Variants in RNF144B observed in about 807,000 individuals in gnomAD.
The protein encoded by RNF144B is ring finger protein 144B, also known as E3 ubiquitin-protein ligase RNF144B.
Under a neutral mutation model 40.2 loss-of-function variants are expected in RNF144B, and 25 were observed. The observed-to-expected ratio is 0.62, with a 90% CI of 0.45 to 0.87. The LOEUF (loss-of-function observed/expected upper bound fraction) is 0.87, where lower values mean the gene tolerates loss of function less well. RNF144B is among the 40% of genes least tolerant of loss of function. RNF144B has a pLI of 0.00. For missense variants in RNF144B, 365 were observed against 373.7 expected (o/e 0.98, Z 0.19); for synonymous variants, 145 against 136.3 (o/e 1.06, Z -0.44).
At position 18,447,837 on chromosome 6, in the gene RNF144B, G is replaced by C. The variant is rs1212772120; in HGVS notation, c.331+8093G>C. ...TAGCTAAAGAAGCAGTTTCAGGACT[G>C]AGCCCTGGGACACTATAGGTTTTAG... On this transcript the variant is annotated intron_variant, in intron 4 of 7. Coordinates refer to ENST00000259939, the MANE Select transcript of RNF144B (RefSeq NM_182757.4). This position sits in a 1 kb window ranked among gnomAD's most constrained non-coding sequence, Gnocchi z 5.6. Among the ~76,000 whole-genome samples the C allele has an allele frequency of 3.3e-5, 5 of 152,170 alleles. No homozygotes were observed. Among genetic ancestry groups the C allele is most frequent in the Non-Finnish European group, 5.9e-5 (4 of 68,030 alleles).
rs1759129636 is a variant in RNF144B at position 18,448,332 on chromosome 6, A to G, written c.331+8588A>G. 6.6e-6 allele frequency among the ~76,000 whole-genome samples: 1 copy of G among 152,000 alleles called. No individual in the cohort carries two copies. Among genetic ancestry groups the G allele is most frequent in the African/African-American group, 2.4e-5 (1 of 41,368 alleles). ...AGGTTTAGGTCATCTCTATCAGGAA[A>G]GAAGGTGGAGAGGTTACGGACATGG... is the stretch of plus-strand genomic sequence containing the variant. On this transcript the variant is annotated intron_variant, in intron 4 of 7. Coordinates refer to ENST00000259939, the MANE Select transcript of RNF144B (RefSeq NM_182757.4). The surrounding 1 kb of genome is among the most constrained non-coding windows in gnomAD (Gnocchi z 4.0).
chr6:18,431,891 T>C (rs902936452), intron 3 of RNF144B, among the ~76,000 whole-genome samples: 2 of 152,234 alleles, frequency 1.3e-5, no homozygotes, highest in African/African-American at 2.4e-5. Flanking sequence ...GCTGTGATTA[T>C]GCCTCCTAAA....
In RNF144B at chr6:18,450,964, AC is replaced by A. The variant is rs1582441822; in HGVS notation, c.332-6185del. Among the ~76,000 whole-genome samples the A allele has an allele frequency of 2.0e-5, 3 of 151,760 alleles. No homozygotes were observed. The highest frequency in any genetic ancestry group is 4.4e-5 in the Non-Finnish European group (3 of 67,940). On this transcript the variant is annotated intron_variant, in intron 4 of 7. Coordinates refer to ENST00000259939, the MANE Select transcript of RNF144B (RefSeq NM_182757.4). This position sits in a 1 kb window ranked among gnomAD's most constrained non-coding sequence, Gnocchi z 4.7. ...TTTATGATTAGGAGGGACTAGTTTT[AC>A]CCCCCTGTTTTTAGAGTTGATTAAA...
chr6:18,407,013 G>A (rs1323982918), intron 2 of RNF144B, among the ~76,000 whole-genome samples: 1 of 152,086 alleles, frequency 6.6e-6, no homozygotes, highest in Non-Finnish European at 1.5e-5. Context: ...TCACTATCAT[G>A]GGAACAGCAT....
In RNF144B at chr6:18,418,503, T is replaced by G. The variant is rs561938171; in HGVS notation, c.166-9078T>G. Among the ~76,000 whole-genome samples the G allele has an allele frequency of 6.6e-6, 1 of 152,264 alleles. No homozygotes were observed. Among genetic ancestry groups the G allele is most frequent in the South Asian group, 2.1e-4 (1 of 4,826 alleles). On this transcript the variant is annotated intron_variant, in intron 2 of 7. Coordinates refer to ENST00000259939, the MANE Select transcript of RNF144B (RefSeq NM_182757.4). This position sits in a 1 kb window ranked among gnomAD's most constrained non-coding sequence, Gnocchi z 5.2. ...ATTGTATCATTCCATTTATATGAAATGTAGAGAGTAGGAAGATCTATACAT... is the reference window on the plus strand; with the variant it reads ...ATTGTATCATTCCATTTATATGAAAGGTAGAGAGTAGGAAGATCTATACAT...
rs1035901802 is a variant in RNF144B, at chr6:18,447,293, C to A, written c.331+7549C>A. On this transcript the variant is annotated intron_variant, in intron 4 of 7. Coordinates refer to ENST00000259939, the MANE Select transcript of RNF144B (RefSeq NM_182757.4). This position sits in a 1 kb window ranked among gnomAD's most constrained non-coding sequence, Gnocchi z 5.6. The stretch of plus-strand genomic sequence containing the variant: ...GGCAGAGGTAAAGGTACCTACAAAG[C>A]CCCTGAGGCAAGAACAAGCCTGGTT... Among the ~76,000 whole-genome samples, 2 of 152,060 alleles carry A rather than the reference C, an allele frequency of 1.3e-5. No individual in the cohort carries two copies. The highest frequency in any genetic ancestry group is 2.9e-5 in the Non-Finnish European group (2 of 68,010).
rs1442558447 is a variant in RNF144B, at chr6:18,467,488, A to G, written c.*2421A>G. 8.2e-6 allele frequency: 1 copy of G among 122,530 alleles called. No individual in the cohort carries two copies. The highest frequency in any genetic ancestry group is 2.5e-4 in the South Asian group (1 of 4,050). 7.6% of individuals were successfully genotyped at this position (122,530 alleles called of 1,614,324 possible). On this transcript the variant is annotated 3_prime_UTR_variant, in exon 8 of 8. Coordinates refer to ENST00000259939, the MANE Select transcript of RNF144B (RefSeq NM_182757.4). The stretch of plus-strand genomic sequence containing the variant: ...ATAATTGGATTTAATTTTTTTTAAC[A>G]TTGAAAAGTGCCTGAAAAATGGTAA...
At chr6:18,436,566 A>C (rs1200926144) in intron 3 of RNF144B, among the ~76,000 whole-genome samples, 1 of 152,116 alleles carries the variant, frequency 6.6e-6, no homozygotes, top group Non-Finnish European at 1.5e-5. Flanking sequence ...AAGTTTTGCA[A>C]CTTTTTATAT....
intron 4 of RNF144B, among the ~76,000 whole-genome samples, chr6:18,455,411 A>T (rs1464600178): frequency 6.6e-6 from 1 of 152,220 alleles, no homozygotes; most frequent in Non-Finnish European, 1.5e-5. Context: ...ACAGTATTTT[A>T]TTGGAACATT....
chr6:18,387,602 G>T lies in RNF144B; in HGVS notation c.-65G>T, dbSNP rs1386599826. On this transcript the variant is annotated 5_prime_UTR_variant, in exon 1 of 8. Coordinates refer to ENST00000259939, the MANE Select transcript of RNF144B (RefSeq NM_182757.4). ...GCGAGGGAGGCTACTGAGAAGCCCG[G>T]CGACGGAGGAACGCAGGTCTGCTGC... The T allele has an allele frequency of 3.0e-6, 4 of 1,317,732 alleles. No individual in the cohort carries two copies. The highest frequency in any genetic ancestry group is 4.0e-6 in the Non-Finnish European group (4 of 1,004,326). 81.6% of individuals were successfully genotyped at this position (1,317,732 alleles called of 1,614,324 possible). A position where few individuals can be genotyped will look rare whatever the true frequency, so the allele number is the denominator to read the frequency against.
Position 18,460,192 on chromosome 6 carries a change from AG to A in RNF144B, c.681+445del, listed in dbSNP as rs1759419271. ...GGCTGCATTTCTTTCTGGAGGCTTT[AG>A]GGGAGAATCTGTTTTCTTGCCTTGG... On this transcript the variant is annotated intron_variant, in intron 6 of 7. Transcript: ENST00000259939. The surrounding 1 kb of genome is among the most constrained non-coding windows in gnomAD (Gnocchi z 4.4). Among the ~76,000 whole-genome samples the A allele has an allele frequency of 6.6e-6, 1 of 152,186 alleles. No individual in the cohort carries two copies. Among genetic ancestry groups the A allele is most frequent in the South Asian group, 2.1e-4 (1 of 4,832 alleles).
In RNF144B at chr6:18,467,890, C is replaced by T. The variant is rs1759606970; in HGVS notation, c.*2823C>T. The T allele has an allele frequency of 6.6e-6, 1 of 152,270 alleles. No homozygotes were observed. The highest frequency in any genetic ancestry group is 2.1e-4 in the South Asian group (1 of 4,824). 9.4% of individuals were successfully genotyped at this position (152,270 alleles called of 1,614,324 possible). A position where few individuals can be genotyped will look rare whatever the true frequency, so the allele number is the denominator to read the frequency against. ...TCCTGGGCTCAAGCGATCCACCCAC[C>T]TTGGGCTCCCAAAGTGTTGGGATTA... On this transcript the variant is annotated 3_prime_UTR_variant, in exon 8 of 8. Coordinates refer to ENST00000259939, the MANE Select transcript of RNF144B (RefSeq NM_182757.4).
Position 18,422,316 on chromosome 6 carries a change from G to A in RNF144B, c.166-5265G>A, listed in dbSNP as rs1331251385. ...TCTGAAGTGGAATAAGCAGAATGTTGTTCTCAGTGTGAGATGTTATTTAGA... is the reference window on the plus strand; with the variant it reads ...TCTGAAGTGGAATAAGCAGAATGTTATTCTCAGTGTGAGATGTTATTTAGA... On this transcript the variant is annotated intron_variant, in intron 2 of 7. Coordinates refer to ENST00000259939, the MANE Select transcript of RNF144B (RefSeq NM_182757.4). The surrounding 1 kb of genome is among the most constrained non-coding windows in gnomAD (Gnocchi z 4.7). 6.6e-6 allele frequency among the ~76,000 whole-genome samples: 1 copy of A among 152,158 alleles called. No individual in the cohort carries two copies. Among genetic ancestry groups the A allele is most frequent in the Non-Finnish European group, 1.5e-5 (1 of 68,024 alleles).
rs1759602824 is a variant in RNF144B at position 18,467,692 on chromosome 6, G to A, written c.*2625G>A. On this transcript the variant is annotated 3_prime_UTR_variant, in exon 8 of 8. Coordinates refer to ENST00000259939, the MANE Select transcript of RNF144B (RefSeq NM_182757.4). ...GTCTCCCTTTGTCACCCAGGCCGGAGTGCAGTGGCATGATCATGGTTCACT... is the reference window on the plus strand; with the variant it reads ...GTCTCCCTTTGTCACCCAGGCCGGAATGCAGTGGCATGATCATGGTTCACT... 1 of 151,452 alleles carries A rather than the reference G, an allele frequency of 6.6e-6. No homozygotes were observed. The allele number at this position is 151,452 out of a possible 1,614,324, so 9.4% of individuals were successfully genotyped here. A position where few individuals can be genotyped will look rare whatever the true frequency, so the allele number is the denominator to read the frequency against.
In RNF144B at chr6:18,412,084, G is replaced by T. The variant is rs1345307054; in HGVS notation, c.165+12385G>T. 6.6e-6 allele frequency among the ~76,000 whole-genome samples: 1 copy of T among 152,062 alleles called. No individual in the cohort carries two copies. Among genetic ancestry groups the T allele is most frequent in the Non-Finnish European group, 1.5e-5 (1 of 68,004 alleles). Reference sequence around the variant, plus strand: ...ATACATTTTTTTTACTTATATAAATGTGAAAATACCTGTCCTTAGGATAAC... The same window carrying T: ...ATACATTTTTTTTACTTATATAAATTTGAAAATACCTGTCCTTAGGATAAC... On this transcript the variant is annotated intron_variant, in intron 2 of 7. Transcript: ENST00000259939. This position sits in a 1 kb window ranked among gnomAD's most constrained non-coding sequence, Gnocchi z 4.2.
Position 18,418,134 on chromosome 6 carries a change from G to T in RNF144B, c.166-9447G>T, listed in dbSNP as rs1257616837. ...AAGTTGAAACTCTCATACACTGCTGGTGGGAATGGAAAATGATGCAATTGC... is the reference window on the plus strand; with the variant it reads ...AAGTTGAAACTCTCATACACTGCTGTTGGGAATGGAAAATGATGCAATTGC... On this transcript the variant is annotated intron_variant, in intron 2 of 7. Coordinates refer to ENST00000259939, the MANE Select transcript of RNF144B (RefSeq NM_182757.4). The surrounding 1 kb of genome is among the most constrained non-coding windows in gnomAD (Gnocchi z 5.2). Among the ~76,000 whole-genome samples the T allele has an allele frequency of 6.6e-6, 1 of 152,180 alleles. No homozygotes were observed. Among genetic ancestry groups the T allele is most frequent in the Non-Finnish European group, 1.5e-5 (1 of 68,038 alleles).
At chr6:18,404,489 A>G (rs1794855712) in intron 2 of RNF144B, among the ~76,000 whole-genome samples, 1 of 152,196 alleles carries the variant, frequency 6.6e-6, no homozygotes, top group African/African-American at 2.4e-5. Context: ...TACGTTCTTC[A>G]AAAAGATTTC....
chr6:18,459,847 T>C lies in RNF144B; in HGVS notation c.681+96T>C. 1 of 1,172,310 alleles carries C rather than the reference T, an allele frequency of 8.5e-7. No individual in the cohort carries two copies. The highest frequency in any genetic ancestry group is 1.2e-6 in the Non-Finnish European group (1 of 840,794). 72.6% of individuals were successfully genotyped at this position (1,172,310 alleles called of 1,614,324 possible). On this transcript the variant is annotated intron_variant, in intron 6 of 7. Coordinates refer to ENST00000259939, the MANE Select transcript of RNF144B (RefSeq NM_182757.4). This position sits in a 1 kb window ranked among gnomAD's most constrained non-coding sequence, Gnocchi z 4.2. ...ATTTTCCTTTAAAATATTGGGGCAA[T>C]TTTTGTCCTGCAAAAGGAATTTATT...
At chr6:18,407,334 G>A (rs1314554823) in intron 2 of RNF144B, among the ~76,000 whole-genome samples, 1 of 152,130 alleles carries the variant, frequency 6.6e-6, no homozygotes, top group Non-Finnish European at 1.5e-5. Flanking sequence ...ACCAGCAGAT[G>A]GTAGGGGTTA....
Sources: allele counts gnomAD v4.1 joint callset (sites outside exome capture counted in the v4.1 genomes callset), GRCh38; gene constraint gnomAD v4.1.1; non-coding constraint Gnocchi (gnomAD v3.1); transcripts MANE v1.5; gene names NCBI Gene and HGNC (gene_info 2026-07-23, HGNC 2026-07-21).